Variants in ERG observed in about 807,000 individuals in gnomAD.
ERG encodes the protein ETS transcription factor ERG, also known as transcriptional regulator ERG.
A neutral mutation model predicts 55.3 loss-of-function variants in ERG; 9 were observed. That is an observed-to-expected ratio of 0.16 (90% CI 0.10 to 0.28). The LOEUF (loss-of-function observed/expected upper bound fraction) is 0.28, where lower values mean the gene tolerates loss of function less well. Ranked by LOEUF, ERG falls within the 10% of genes least tolerant of loss-of-function variation. ERG has a pLI of 1.00. For synonymous variants in ERG, 223 were observed against 237.3 expected, an observed-to-expected ratio of 0.94 and a Z score of 0.55; for missense variants, 434 against 631.6, an observed-to-expected ratio of 0.69 and a Z score of 3.35.
intron 1 of ERG, among the ~76,000 whole-genome samples, chr21:38,612,704 C>T (rs374704136): frequency 1.3e-5 from 2 of 149,734 alleles, no homozygotes; most frequent in African/African-American, 2.5e-5. Context: ...CGCTCTGTCA[C>T]GCAGGCTGGA....
chr21:38,661,013 G>A (rs572527018), intron 1 of ERG, among the ~76,000 whole-genome samples: 62 of 152,034 alleles, frequency 4.1e-4, no homozygotes, highest in African/African-American at 1.4e-3. Context: ...GGAGGAAGAG[G>A]AGGAGGCGGA....
At position 38,490,734 on chromosome 21, in the gene ERG, G is replaced by T. The variant is rs186428855; in HGVS notation, c.18+7629C>A. On this transcript the variant is annotated intron_variant, in intron 1 of 9. Transcript: ENST00000288319. Reference sequence around the variant, plus strand: ...AGGGAGCTAGGGCCAGGAGAGGTGCGTTCACCTGGGGAAGTCCTGCAGCAT... The same window carrying T: ...AGGGAGCTAGGGCCAGGAGAGGTGCTTTCACCTGGGGAAGTCCTGCAGCAT... Among the ~76,000 whole-genome samples the T allele has an allele frequency of 2.6e-5, 4 of 152,358 alleles. No homozygotes were observed. In the East Asian group the frequency reaches 7.7e-4, roughly 29 times the overall value.
At chr21:38,606,236 T>A (rs921680954) in intron 1 of ERG, among the ~76,000 whole-genome samples, 1 of 152,092 alleles carries the variant, frequency 6.6e-6, no homozygotes, top group Non-Finnish European at 1.5e-5. Context: ...GGCAGATAGA[T>A]AATTGATAGA....
At chr21:38,525,532 C>A (rs1448311752) in intron 2 of ERG, among the ~76,000 whole-genome samples, 1 of 152,206 alleles carries the variant, frequency 6.6e-6, no homozygotes, top group African/African-American at 2.4e-5. Flanking sequence ...TCCAACACTT[C>A]TTCCACTCTC....
chr21:38,438,501 C>T lies in ERG; in HGVS notation c.236+6903G>A, dbSNP rs574385330. Among the ~76,000 whole-genome samples the T allele has an allele frequency of 1.1e-4, 17 of 152,358 alleles. 1 individual carries two copies. The South Asian group carries it at 3.5e-3, about 32-fold the overall frequency. ...CCAGCAGATACTCCCTACTTTTTCTCATCTCCATCACATGACAAATGGCAT... is the reference window on the plus strand; with the variant it reads ...CCAGCAGATACTCCCTACTTTTTCTTATCTCCATCACATGACAAATGGCAT... On this transcript the variant is annotated intron_variant, in intron 2 of 9. Transcript: ENST00000288319.
At chr21:38,525,229 T>C (rs2059621673) in intron 2 of ERG, among the ~76,000 whole-genome samples, 1 of 152,100 alleles carries the variant, frequency 6.6e-6, no homozygotes. Context: ...AGATCACACG[T>C]GGTGTAGCTG....
At chr21:38,515,621 A>G (rs2059546065) in intron 2 of ERG, among the ~76,000 whole-genome samples, 1 of 152,002 alleles carries the variant, frequency 6.6e-6, no homozygotes, top group South Asian at 2.1e-4. Flanking sequence ...CACAACAAAA[A>G]AGAAAACTAC....
chr21:38,601,703 C>T (rs1249683082), intron 1 of ERG, among the ~76,000 whole-genome samples: 1 of 152,148 alleles, frequency 6.6e-6, no homozygotes, highest in East Asian at 1.9e-4. Flanking sequence ...CATTTCCAGT[C>T]ACTATCTTGA....
intron 1 of ERG, among the ~76,000 whole-genome samples, chr21:38,621,010 C>T (rs1461090954): frequency 6.6e-6 from 1 of 152,204 alleles, no homozygotes; most frequent in Non-Finnish European, 1.5e-5. Flanking sequence ...ACTCGAACTA[C>T]TGGAGGATTT....
the ERG span, among the ~76,000 whole-genome samples, chr21:38,369,884 C>T: frequency 2.8e-3 from 428 of 152,154 alleles, 1 homozygote; most frequent in African/African-American, 1.0e-2. Flanking sequence ...GAATCCTTTC[C>T]CCATTGCTTG....
chr21:38,471,437 G>A (rs531731753), intron 1 of ERG: 6 of 152,324 alleles, frequency 3.9e-5, no homozygotes, highest in Non-Finnish European at 7.3e-5. Flanking sequence ...CAACACTTAC[G>A]GAGCTCATCA....
At chr21:38,535,690 G>A (rs938324850) in intron 2 of ERG, among the ~76,000 whole-genome samples, 3 of 152,092 alleles carry the variant, frequency 2.0e-5, no homozygotes, top group Non-Finnish European at 4.4e-5. Flanking sequence ...GTAATATAAA[G>A]TAAAATATGT....
At chr21:38,646,131 A>G (rs1342251065) in intron 1 of ERG, among the ~76,000 whole-genome samples, 1 of 152,112 alleles carries the variant, frequency 6.6e-6, no homozygotes, top group Non-Finnish European at 1.5e-5. Flanking sequence ...ATATTAAAAA[A>G]TCAGCTGGGT....
At chr21:38,631,372 G>A (rs1473377986) in intron 1 of ERG, among the ~76,000 whole-genome samples, 2 of 152,104 alleles carry the variant, frequency 1.3e-5, no homozygotes, top group African/African-American at 4.8e-5. Context: ...AAAAAAAAAG[G>A]AATCAGGAAG....
At chr21:38,579,200 C>T (rs1210753514) in intron 1 of ERG, among the ~76,000 whole-genome samples, 2 of 152,186 alleles carry the variant, frequency 1.3e-5, no homozygotes, top group African/African-American at 4.8e-5. Flanking sequence ...AAGACCGCAG[C>T]AACATCATAG....
At chr21:38,443,791 A>G (rs1569104049) in intron 2 of ERG, among the ~76,000 whole-genome samples, 1 of 152,062 alleles carries the variant, frequency 6.6e-6, no homozygotes, top group Admixed American at 6.5e-5. Flanking sequence ...TTTACATGTA[A>G]TCATTAATTT....
At chr21:38,638,363 C>T (rs2060403382) in intron 1 of ERG, among the ~76,000 whole-genome samples, 1 of 152,240 alleles carries the variant, frequency 6.6e-6, no homozygotes, top group Non-Finnish European at 1.5e-5. Context: ...TTGCGTGCAT[C>T]TGGCCCTCCT....
At chr21:38,465,403 G>A (rs2059079401) in intron 1 of ERG, among the ~76,000 whole-genome samples, 1 of 152,190 alleles carries the variant, frequency 6.6e-6, no homozygotes, top group Admixed American at 6.5e-5. Flanking sequence ...ATTAGAGGGA[G>A]GGAGGGGTGA....
chr21:38,565,157 T>C (rs1390025226), intron 2 of ERG, among the ~76,000 whole-genome samples: 1 of 152,152 alleles, frequency 6.6e-6, no homozygotes, highest in African/African-American at 2.4e-5. Flanking sequence ...AATGCTGTCT[T>C]TTCCACCTTC....
Sources: gnomAD v4.1 joint callset for allele counts (sites outside exome capture counted in the v4.1 genomes callset) on GRCh38, gnomAD v4.1.1 for gene constraint, MANE v1.5 for transcripts, NCBI Gene and HGNC (gene_info 2026-07-23, HGNC 2026-07-21) for gene names.